GOLGA7: variants seen among roughly 807,000 people sequenced by gnomAD.
GOLGA7 encodes the protein golgin A7.
In GOLGA7, 10 loss-of-function variants were observed where a neutral mutation model predicts 21.1. The observed-to-expected ratio is 0.47, with a 90% confidence interval of 0.29 to 0.80. The LOEUF (loss-of-function observed/expected upper bound fraction) is 0.80, where lower values mean the gene tolerates loss of function less well. Ranked by LOEUF, GOLGA7 falls within the 30% of genes least tolerant of loss-of-function variation. The probability of loss-of-function intolerance (pLI) is 0.08; values close to 1 mark genes in which losing one functional copy is unlikely to be tolerated. For synonymous variants in GOLGA7, 64 were observed against 62.6 expected, an observed-to-expected ratio of 1.02 and a Z score of -0.10; for missense variants, 114 against 166.8, an observed-to-expected ratio of 0.68 and a Z score of 1.74.
At chr8:41,496,156 G>A (rs1806007665) in intron 1 of GOLGA7, among the ~76,000 whole-genome samples, 1 of 152,110 alleles carries the variant, frequency 6.6e-6, no homozygotes, top group Admixed American at 6.5e-5. Flanking sequence ...GACTTTATGA[G>A]ACAAAGTGTG....
At chr8:41,498,875 C>A (rs1806083111) in intron 2 of GOLGA7, among the ~76,000 whole-genome samples, 1 of 152,016 alleles carries the variant, frequency 6.6e-6, no homozygotes, top group Admixed American at 6.5e-5. Flanking sequence ...CATGGTAAGC[C>A]CCTGGTATAT....
chr8:41,504,096 T>C (rs1464855795), intron 2 of GOLGA7, among the ~76,000 whole-genome samples: 1 of 123,830 alleles, frequency 8.1e-6, no homozygotes, highest in South Asian at 2.7e-4. Flanking sequence ...AATGTGCACA[T>C]GTACCCTAAA....
intron 2 of GOLGA7, among the ~76,000 whole-genome samples, chr8:41,505,042 T>C (rs1585604889): frequency 6.6e-6 from 1 of 152,214 alleles, no homozygotes; most frequent in East Asian, 1.9e-4. Flanking sequence ...AAAAAAGTTA[T>C]GATGACTTCG....
In GOLGA7 at chr8:41,490,675, C is replaced by T; in HGVS notation, c.-180C>T. 3.7e-6 allele frequency: 2 copies of T among 545,468 alleles called. No homozygotes were observed. The highest frequency in any genetic ancestry group is 4.7e-5 in the South Asian group (2 of 42,552). 33.8% of individuals were successfully genotyped at this position (545,468 alleles called of 1,614,324 possible). A position where few individuals can be genotyped will look rare whatever the true frequency, so the allele number is the denominator to read the frequency against. The stretch of plus-strand genomic sequence containing the variant: ...GGGGCGCGGGGCCTGGGCCAGGCGG[C>T]AGCTAAGGCCCGCGGTGACAGCATG... On this transcript the variant is annotated 5_prime_UTR_variant, in exon 1 of 5. Coordinates refer to ENST00000357743, the MANE Select transcript of GOLGA7 (RefSeq NM_001002296.2).
chr8:41,491,275 C>T (rs1330136954), intron 1 of GOLGA7, among the ~76,000 whole-genome samples: 1 of 152,180 alleles, frequency 6.6e-6, no homozygotes, highest in Non-Finnish European at 1.5e-5. Context: ...GGGTTATTGT[C>T]GGCAGCGATG....
chr8:41,497,574 G>A lies in GOLGA7; in HGVS notation c.177G>A (p.Lys59=). The change falls in exon 2 of 5, where the codon AAG becomes AAA. Residue 59 remains lysine, a synonymous_variant. Transcript: ENST00000357743. ...ATAACCTTTATGCAGAAGCAGAGAA[G>A]CTCGGCGGCCAGTCATATCTCGAAG... ...TLNNLYAEAE[K]LGGQSYLEGC... is the part of the protein sequence containing the mutation. 1.3e-6 allele frequency: 2 copies of A among 1,591,330 alleles called. No homozygotes were observed. Among genetic ancestry groups the A allele is most frequent in the East Asian group, 2.2e-5 (1 of 44,732 alleles).
chr8:41,497,436 A>G, intron 1 of GOLGA7, 73 bp from the exon 2 acceptor site: 1 of 824,294 alleles, frequency 1.2e-6, no homozygotes, highest in Non-Finnish European at 1.9e-6. Context: ...AAAACAAGAT[A>G]AATTAATGAT....
chr8:41,496,360 A>G (rs973890819), intron 1 of GOLGA7, among the ~76,000 whole-genome samples: 1 of 151,904 alleles, frequency 6.6e-6, no homozygotes, highest in Non-Finnish European at 1.5e-5. Context: ...GGAATTTCCC[A>G]CTTGTGGTAT....
intron 2 of GOLGA7, among the ~76,000 whole-genome samples, chr8:41,501,918 A>G (rs2150443839): frequency 1.3e-5 from 2 of 152,324 alleles, no homozygotes; most frequent in South Asian, 4.1e-4. Flanking sequence ...TGATCCCAGT[A>G]TATGTTTTAG....
At chr8:41,496,964 T>C (rs1403418510) in intron 1 of GOLGA7, among the ~76,000 whole-genome samples, 2 of 151,854 alleles carry the variant, frequency 1.3e-5, no homozygotes, top group African/African-American at 2.4e-5. Context: ...CCCGCCACCA[T>C]GCCCGGCTAA....
At chr8:41,508,582 C>T (rs1806345467) in intron 4 of GOLGA7, among the ~76,000 whole-genome samples, 1 of 152,192 alleles carries the variant, frequency 6.6e-6, no homozygotes, top group Non-Finnish European at 1.5e-5. Flanking sequence ...GCTGCGATGA[C>T]TTGGCACAGC....
At position 41,490,916 on chromosome 8, in the gene GOLGA7, G is replaced by T; in HGVS notation, c.62G>T (p.Gly21Val). Residue 21 changes from glycine (G) to valine (V), a missense_variant, in exon 1 of 5, where the codon GGC becomes GTC. Gly to Val is a moderately radical substitution (Grantham distance 109). Coordinates refer to ENST00000357743, the MANE Select transcript of GOLGA7 (RefSeq NM_001002296.2). ...KVFIQRDYSS[G>V]TRCQFQTKFP... The stretch of plus-strand genomic sequence containing the variant: ...TTCATTCAGCGAGACTACAGCAGTG[G>T]CACACGCTGCCAGTTCCAGACCAAG... 1 of 1,601,582 alleles carries T rather than the reference G, an allele frequency of 6.2e-7. No homozygotes were observed. The highest frequency in any genetic ancestry group is 8.5e-7 in the Non-Finnish European group (1 of 1,173,516).
intron 2 of GOLGA7, among the ~76,000 whole-genome samples, chr8:41,501,367 G>C (rs969121926): frequency 4.6e-5 from 7 of 151,278 alleles, no homozygotes; most frequent in African/African-American, 1.7e-4. Context: ...GGAATGCAGT[G>C]GTGCGATCCC....
chr8:41,504,528 C>G (rs1479388822), intron 2 of GOLGA7, among the ~76,000 whole-genome samples: 1 of 152,096 alleles, frequency 6.6e-6, no homozygotes, highest in Non-Finnish European at 1.5e-5. Context: ...AGCTAAAATT[C>G]TTTGAATGCT....
intron 1 of GOLGA7, among the ~76,000 whole-genome samples, chr8:41,496,943 G>A (rs573921756): frequency 7.9e-5 from 12 of 151,648 alleles, no homozygotes; most frequent in Non-Finnish European, 1.5e-4. Context: ...CAGTAGCTGG[G>A]GCTATAGGCA....
At chr8:41,500,209 C>A (rs1585600437) in intron 2 of GOLGA7, among the ~76,000 whole-genome samples, 1 of 152,186 alleles carries the variant, frequency 6.6e-6, no homozygotes, top group African/African-American at 2.4e-5. Flanking sequence ...AGCAAAATTA[C>A]ACATTATGAT....
At chr8:41,498,456 C>T (rs1445780070) in intron 2 of GOLGA7, among the ~76,000 whole-genome samples, 1 of 152,196 alleles carries the variant, frequency 6.6e-6, no homozygotes, top group Non-Finnish European at 1.5e-5. Context: ...CTTTCCAGCG[C>T]TACCTCCCAT....
chr8:41,496,636 T>G (rs574904530), intron 1 of GOLGA7, among the ~76,000 whole-genome samples: 2 of 151,474 alleles, frequency 1.3e-5, no homozygotes, highest in Non-Finnish European at 1.5e-5. Flanking sequence ...CGCCTTTTGA[T>G]CCTTCTGCTA....
intron 1 of GOLGA7, 22 bp downstream of exon 1, chr8:41,490,987 GC>G: frequency 7.6e-7 from 1 of 1,318,582 alleles, no homozygotes; most frequent in Non-Finnish European, 1.1e-6. Context: ...GGCTCCCCAC[GC>G]CTGCTCTGGC....
Sources: gnomAD v4.1 joint callset for allele counts (sites outside exome capture counted in the v4.1 genomes callset) on GRCh38, gnomAD v4.1.1 for gene constraint, MANE v1.5 for transcripts, NCBI Gene and HGNC (gene_info 2026-07-23, HGNC 2026-07-21) for gene names.